ADCY2: variants seen among roughly 807,000 people sequenced by gnomAD.
The protein encoded by ADCY2 is adenylate cyclase 2.
ADCY2 carries 31 observed loss-of-function variants against 125.2 expected under a neutral mutation model. The observed-to-expected ratio is 0.25, with a 90% CI of 0.19 to 0.33. The LOEUF is 0.33. ADCY2 is among the 10% of genes least tolerant of loss of function. ADCY2 has a pLI of 1.00. For synonymous variants in ADCY2, 512 were observed against 548.4 expected (o/e 0.93, Z 0.93); for missense variants, 904 against 1,418.2 (o/e 0.64, Z 5.82).
intron 3 of ADCY2, among the ~76,000 whole-genome samples, chr5:7,608,760 T>G (rs2126641749): frequency 6.6e-6 from 1 of 152,300 alleles, no homozygotes; most frequent in Admixed American, 6.5e-5. Context: ...CCCCAAGAAC[T>G]ATTGTTTCCC....
intron 3 of ADCY2, among the ~76,000 whole-genome samples, chr5:7,563,696 G>A (rs1406396544): frequency 2.0e-5 from 3 of 152,156 alleles, no homozygotes; most frequent in African/African-American, 4.8e-5. Flanking sequence ...GAGAACACAG[G>A]AACTTTATAG....
chr5:7,492,688 G>A (rs1322131208), intron 2 of ADCY2, among the ~76,000 whole-genome samples: 1 of 151,986 alleles, frequency 6.6e-6, no homozygotes, highest in East Asian at 1.9e-4. Flanking sequence ...GGAGAAAAAG[G>A]CCAGAGGAGG....
chr5:7,807,282 C>T lies in ADCY2; in HGVS notation c.2883+2590C>T, dbSNP rs370842522. On this transcript the variant is annotated intron_variant, in intron 22 of 24. Coordinates refer to ENST00000338316, the MANE Select transcript of ADCY2 (RefSeq NM_020546.3). ...TCTTTTCTCTTCCTTTCCGCAGCCA[C>T]GCTTTATAGACTGAGAGTCCATAGC... 4.6e-5 allele frequency among the ~76,000 whole-genome samples: 7 copies of T among 152,294 alleles called. No individual in the cohort carries two copies. In the East Asian group the frequency reaches 7.7e-4, roughly 17 times the overall value.
intron 15 of ADCY2, among the ~76,000 whole-genome samples, chr5:7,749,331 A>G (rs1033328561): frequency 6.6e-6 from 1 of 152,188 alleles, no homozygotes; most frequent in African/African-American, 2.4e-5. Flanking sequence ...GTAAGAAAGT[A>G]CTCAGTATTA....
chr5:7,734,175 A>G (rs150887854), intron 14 of ADCY2, among the ~76,000 whole-genome samples: 25 of 152,320 alleles, frequency 1.6e-4, no homozygotes, highest in African/African-American at 6.0e-4. Flanking sequence ...TGCTTTAGGG[A>G]GGAAGTAAGG....
intron 20 of ADCY2, among the ~76,000 whole-genome samples, chr5:7,791,890 G>A (rs923756303): frequency 6.6e-6 from 1 of 152,120 alleles, no homozygotes; most frequent in African/African-American, 2.4e-5. Flanking sequence ...GCCACTGTGA[G>A]GAAGTGGCTT....
chr5:7,415,507 T>G (rs1362671047), intron 2 of ADCY2, among the ~76,000 whole-genome samples: 1 of 152,176 alleles, frequency 6.6e-6, no homozygotes, highest in Non-Finnish European at 1.5e-5. Context: ...TTTCTCCAGG[T>G]GCTTGCAACC....
At chr5:7,411,073 G>A (rs988471436) in intron 1 of ADCY2, among the ~76,000 whole-genome samples, 1 of 152,174 alleles carries the variant, frequency 6.6e-6, no homozygotes, top group Admixed American at 6.5e-5. Flanking sequence ...ACATCCTCTA[G>A]TGAATACTCT....
intron 2 of ADCY2, among the ~76,000 whole-genome samples, chr5:7,480,351 T>TA (rs1742683140): frequency 1.3e-5 from 2 of 152,166 alleles, no homozygotes; most frequent in South Asian, 4.1e-4. Context: ...TGAATCAACC[T>TA]AAATGCCCAA....
chr5:7,491,522 A>G (rs1743164189), intron 2 of ADCY2, among the ~76,000 whole-genome samples: 1 of 152,212 alleles, frequency 6.6e-6, no homozygotes, highest in African/African-American at 2.4e-5. Context: ...GAATCTCATA[A>G]GGGAACAAGT....
At chr5:7,447,064 T>G (rs1245824199) in intron 2 of ADCY2, among the ~76,000 whole-genome samples, 1 of 151,990 alleles carries the variant, frequency 6.6e-6, no homozygotes, top group Non-Finnish European at 1.5e-5. Context: ...ACTTTCGGAG[T>G]GCGTCACAGT....
chr5:7,765,422 A>C (rs1453031542), intron 16 of ADCY2, among the ~76,000 whole-genome samples: 1 of 152,172 alleles, frequency 6.6e-6, no homozygotes, highest in African/African-American at 2.4e-5. Context: ...TCAGCCAGGG[A>C]TGTGATGATT....
At chr5:7,702,243 T>TA (rs1460976142) in intron 7 of ADCY2, among the ~76,000 whole-genome samples, 2 of 151,502 alleles carry the variant, frequency 1.3e-5, no homozygotes, top group Admixed American at 6.6e-5. Context: ...TTTTTTTTTT[T>TA]TAAACTTTCA....
intron 3 of ADCY2, among the ~76,000 whole-genome samples, chr5:7,563,568 T>C (rs1213746099): frequency 6.6e-6 from 1 of 152,168 alleles, no homozygotes. Context: ...ATCATGAATA[T>C]GGAGTAGAGT....
intron 12 of ADCY2, among the ~76,000 whole-genome samples, chr5:7,722,862 A>G (rs1319471923): frequency 6.7e-6 from 1 of 150,320 alleles, no homozygotes; most frequent in Admixed American, 6.7e-5. Flanking sequence ...TGGCAGGCTG[A>G]GACAGGAGAA....
Position 7,770,514 on chromosome 5 carries a change from A to G in ADCY2, c.2215-2418A>G, listed in dbSNP as rs992255924. ...CAAAGGACTTTAGTTTATCATAATA[A>G]TAGCAGAATTTACAAGCTTCTCATG... On this transcript the variant is annotated intron_variant, in intron 17 of 24. Transcript: ENST00000338316. Among the ~76,000 whole-genome samples the G allele has an allele frequency of 3.3e-5, 5 of 152,252 alleles. No homozygotes were observed. The East Asian group carries it at 7.7e-4, about 23-fold the overall frequency.
Position 7,555,027 on chromosome 5 carries a change from A to G in ADCY2, c.570+34128A>G, listed in dbSNP as rs115578255. ...AGTTTCATAAGCAGTTCATCCTCAGATCAAAAGTCATGCCTTCTTTATGCC... is the reference window on the plus strand; with the variant it reads ...AGTTTCATAAGCAGTTCATCCTCAGGTCAAAAGTCATGCCTTCTTTATGCC... On this transcript the variant is annotated intron_variant, in intron 3 of 24. Coordinates refer to ENST00000338316, the MANE Select transcript of ADCY2 (RefSeq NM_020546.3). Among the ~76,000 whole-genome samples the G allele has an allele frequency of 2.4e-3, 370 of 152,264 alleles. 1 individual carries two copies. Among genetic ancestry groups the G allele is most frequent in the African/African-American group, 8.4e-3 (351 of 41,564 alleles).
At chr5:7,820,958 C>CT (rs1248041593) in intron 24 of ADCY2, among the ~76,000 whole-genome samples, 1 of 152,148 alleles carries the variant, frequency 6.6e-6, no homozygotes, top group Non-Finnish European at 1.5e-5. Flanking sequence ...CACAACAGCC[C>CT]TGAGCATTCA....
chr5:7,795,630 C>T (rs1744395701), intron 20 of ADCY2: 2 of 152,238 alleles, frequency 1.3e-5, no homozygotes, highest in Admixed American at 1.3e-4. Context: ...AATCCATTTC[C>T]ACTAAACTCT....
Sources: allele counts gnomAD v4.1 joint callset (sites outside exome capture counted in the v4.1 genomes callset), GRCh38; gene constraint gnomAD v4.1.1; transcripts MANE v1.5; gene names NCBI Gene and HGNC (gene_info 2026-07-23, HGNC 2026-07-21).